Variants in MGAT5 observed in about 807,000 individuals in gnomAD.
The protein encoded by MGAT5 is alpha-1,6-mannosylglycoprotein 6-beta-N-acetylglucosaminyltransferase.
A neutral mutation model predicts 94.3 loss-of-function variants in MGAT5; 30 were observed. The observed-to-expected ratio is 0.32, with a 90% CI of 0.24 to 0.43. The LOEUF (loss-of-function observed/expected upper bound fraction) is 0.43, where lower values mean the gene tolerates loss of function less well. MGAT5 is among the 20% of genes least tolerant of loss of function. The pLI is 1.00. For missense variants in MGAT5, 691 were observed against 905.5 expected (o/e 0.76, Z 3.04); for synonymous variants, 310 against 322.9 (o/e 0.96, Z 0.43).
intron 2 of MGAT5, among the ~76,000 whole-genome samples, chr2:134,288,886 C>T (rs532463457): frequency 6.6e-6 from 1 of 152,318 alleles, no homozygotes; most frequent in East Asian, 1.9e-4. Context: ...ACAAAATGGG[C>T]TTCACTTGCT....
chr2:134,222,077 A>G (rs1680802444), intron 1 of MGAT5, among the ~76,000 whole-genome samples: 1 of 152,080 alleles, frequency 6.6e-6, no homozygotes, highest in Non-Finnish European at 1.5e-5. Context: ...GGGAGAGGAC[A>G]TGCTCTGACC....
chr2:134,435,634 T>C (rs1685128634), intron 14 of MGAT5, among the ~76,000 whole-genome samples: 1 of 152,218 alleles, frequency 6.6e-6, no homozygotes, highest in East Asian at 1.9e-4. Context: ...CATGTCGTCA[T>C]GGTGACAGCC....
Position 134,422,906 on chromosome 2 carries a change from T to C in MGAT5, c.1781T>C (p.Ile594Thr), listed in dbSNP as rs1684378359. 1.9e-6 allele frequency: 3 copies of C among 1,612,892 alleles called. No individual in the cohort carries two copies. The highest frequency in any genetic ancestry group is 2.5e-6 in the Non-Finnish European group (3 of 1,178,924). ...QEEVEDAVKA[I>T]LNQKIEPYMP... Reference sequence around the variant, plus strand: ...GAAGTAGAGGATGCAGTGAAAGCAATTTTAAATCAGAAGGTTGGTTCATTT... The same window carrying C: ...GAAGTAGAGGATGCAGTGAAAGCAACTTTAAATCAGAAGGTTGGTTCATTT... Residue 594 changes from isoleucine (I) to threonine (T), a missense_variant, in exon 13 of 16, where the codon ATT becomes ACT. Transcript: ENST00000281923.
chr2:134,434,228 C>T (rs542022439), intron 14 of MGAT5, among the ~76,000 whole-genome samples: 12 of 152,326 alleles, frequency 7.9e-5, no homozygotes, highest in African/African-American at 2.4e-4. Context: ...GTGTTTTCCC[C>T]AGGCTGCTAA....
chr2:134,298,988 G>A (rs1034594878), intron 2 of MGAT5, among the ~76,000 whole-genome samples: 1 of 152,172 alleles, frequency 6.6e-6, no homozygotes, highest in African/African-American at 2.4e-5. Context: ...GAAAGTTAGT[G>A]TCCCATTTGA....
chr2:134,134,886 G>A (rs781765635), intron 1 of MGAT5, among the ~76,000 whole-genome samples: 32 of 152,130 alleles, frequency 2.1e-4, no homozygotes, highest in Non-Finnish European at 4.3e-4. Flanking sequence ...GCAAATAATC[G>A]TTGCACATTT....
At chr2:134,327,658 A>G (rs1303362296) in intron 4 of MGAT5, among the ~76,000 whole-genome samples, 1 of 152,120 alleles carries the variant, frequency 6.6e-6, no homozygotes, top group African/African-American at 2.4e-5. Context: ...TTTATTTAAT[A>G]TTTTCAGACT....
intron 1 of MGAT5, among the ~76,000 whole-genome samples, chr2:134,153,212 G>A (rs1174950329): frequency 1.3e-5 from 2 of 152,238 alleles, no homozygotes; most frequent in Non-Finnish European, 1.5e-5. Context: ...GAGCCACCAC[G>A]CCGGGCCAGA....
chr2:134,365,594 C>G (rs976581997), intron 10 of MGAT5, among the ~76,000 whole-genome samples: 1 of 152,092 alleles, frequency 6.6e-6, no homozygotes, highest in Non-Finnish European at 1.5e-5. Flanking sequence ...ATGCATTCCT[C>G]CACAAGGAGA....
chr2:134,332,977 A>C (rs1403707752), intron 4 of MGAT5, among the ~76,000 whole-genome samples: 2 of 152,188 alleles, frequency 1.3e-5, no homozygotes, highest in Non-Finnish European at 2.9e-5. Context: ...ACACTTTTAC[A>C]CTGTTGGTGG....
chr2:134,387,332 A>ATATATATTTTT, intron 10 of MGAT5, among the ~76,000 whole-genome samples: 7 of 24,264 alleles, frequency 2.9e-4, no homozygotes, highest in African/African-American at 6.0e-4. Context: ...ATATATATAT[A>ATATATATTTTT]TTTTTTTTTT....
chr2:134,186,490 C>T (rs985855900), intron 1 of MGAT5, among the ~76,000 whole-genome samples: 1 of 151,912 alleles, frequency 6.6e-6, no homozygotes, highest in South Asian at 2.1e-4. Context: ...TTAAGGAGCA[C>T]TTGTTGGCCT....
chr2:134,289,968 A>G (rs1685245261), intron 2 of MGAT5, among the ~76,000 whole-genome samples: 1 of 152,186 alleles, frequency 6.6e-6, no homozygotes. Context: ...GTTAGTACAT[A>G]TTCATGAGTA....
intron 1 of MGAT5, among the ~76,000 whole-genome samples, chr2:134,226,644 TA>T (rs1221228911): frequency 6.6e-6 from 1 of 152,294 alleles, no homozygotes; most frequent in East Asian, 1.9e-4. Flanking sequence ...TGAAACGAGC[TA>T]GTGTAGACAG....
rs184814912 is a variant in MGAT5 at position 134,164,904 on chromosome 2, G to A, written c.-143+44613G>A. ...ACAACAACAAAAAAACAAAACAAACGTGAGTATGGCCACATTTAGCCTGAC... is the reference window on the plus strand; with the variant it reads ...ACAACAACAAAAAAACAAAACAAACATGAGTATGGCCACATTTAGCCTGAC... On this transcript the variant is annotated intron_variant, in intron 1 of 16. Transcript: ENST00000409645. 1.4e-4 allele frequency among the ~76,000 whole-genome samples: 21 copies of A among 151,868 alleles called. No homozygotes were observed. The East Asian group carries it at 3.7e-3, about 27-fold the overall frequency.
At chr2:134,280,420 C>T (rs947463574) in intron 2 of MGAT5, among the ~76,000 whole-genome samples, 2 of 152,156 alleles carry the variant, frequency 1.3e-5, no homozygotes, top group African/African-American at 2.4e-5. Flanking sequence ...CAGAGTCACC[C>T]GAGGACGACA....
chr2:134,156,043 C>A (rs2105037701), intron 1 of MGAT5, among the ~76,000 whole-genome samples: 1 of 152,254 alleles, frequency 6.6e-6, no homozygotes, highest in Non-Finnish European at 1.5e-5. Context: ...TCTTCAAGCT[C>A]TCCTATACTT....
intron 14 of MGAT5, among the ~76,000 whole-genome samples, chr2:134,430,012 C>T (rs1234874914): frequency 6.6e-6 from 1 of 152,240 alleles, no homozygotes; most frequent in Non-Finnish European, 1.5e-5. Context: ...ACCAGGGCCT[C>T]AGGAGACAGA....
chr2:134,333,304 AATC>A (rs887433728), intron 4 of MGAT5, among the ~76,000 whole-genome samples: 1 of 151,820 alleles, frequency 6.6e-6, no homozygotes, highest in Admixed American at 6.6e-5. Flanking sequence ...TGAAATTGGA[AATC>A]ATCATTCTCA....
Sources: allele counts gnomAD v4.1 joint callset (sites outside exome capture counted in the v4.1 genomes callset), GRCh38; gene constraint gnomAD v4.1.1; transcripts MANE v1.5; gene names NCBI Gene and HGNC (gene_info 2026-07-23, HGNC 2026-07-21).